The following STARD13 variants were observed in gnomAD, a reference collection of about 807,000 sequenced individuals.
STARD13 encodes StAR related lipid transfer domain containing 13.
STARD13 carries 62 observed loss-of-function variants against 106.4 expected under a neutral mutation model. The ratio of observed to expected loss-of-function variants is 0.58; its 90% confidence interval spans 0.48 to 0.72. The LOEUF (loss-of-function observed/expected upper bound fraction) is 0.72, where lower values mean the gene tolerates loss of function less well. Among genes scored for constraint, STARD13 ranks in the 30% least tolerant of loss-of-function variants. The pLI, the probability that STARD13 is intolerant of heterozygous loss-of-function variation, is 0.00. For synonymous variants in STARD13, 565 were observed against 553.0 expected (o/e 1.02, Z -0.31); for missense variants, 1,387 against 1,424.0 (o/e 0.97, Z 0.42).
chr13:33,661,383 A>T, the STARD13 span: 1 of 152,404 alleles, frequency 6.6e-6, no homozygotes, highest in African/African-American at 2.4e-5. Flanking sequence ...AGGGAAGAGG[A>T]AGTAAGAAGG....
At chr13:33,440,799 A>G in the STARD13 span, among the ~76,000 whole-genome samples, 9 of 119,920 alleles carry the variant, frequency 7.5e-5, no homozygotes, top group Admixed American at 3.8e-4. Context: ...TTTTTAAGAT[A>G]GAGTCTCACT....
chr13:33,394,005 A>AATAT, the STARD13 span, among the ~76,000 whole-genome samples: 1 of 152,202 alleles, frequency 6.6e-6, no homozygotes, highest in Non-Finnish European at 1.5e-5. Flanking sequence ...GACATATATA[A>AATAT]AGGCATAAGG....
At chr13:33,586,084 A>G in the STARD13 span, among the ~76,000 whole-genome samples, 2 of 152,222 alleles carry the variant, frequency 1.3e-5, no homozygotes, top group African/African-American at 4.8e-5. Context: ...TTTATGATAT[A>G]TATGTTTTAC....
chr13:33,602,127 T>G, the STARD13 span, among the ~76,000 whole-genome samples: 16,955 of 150,254 alleles, frequency 0.11, 1,391 homozygotes, highest in East Asian at 0.24. Context: ...GTTTTGCTCT[T>G]GTCGCCCAGG....
At chr13:33,543,045 C>A in the STARD13 span, among the ~76,000 whole-genome samples, 6 of 152,208 alleles carry the variant, frequency 3.9e-5, no homozygotes, top group African/African-American at 1.4e-4. Flanking sequence ...CAAAATGGAG[C>A]GGAAACTGTT....
the STARD13 span, among the ~76,000 whole-genome samples, chr13:33,494,438 T>C: frequency 7.9e-5 from 12 of 152,164 alleles, no homozygotes; most frequent in African/African-American, 2.4e-4. Context: ...CCATAAATAT[T>C]TGTTGATTCG....
At chr13:33,187,989 C>G (rs532035582) in intron 1 of STARD13, among the ~76,000 whole-genome samples, 1 of 152,056 alleles carries the variant, frequency 6.6e-6, no homozygotes, top group Admixed American at 6.6e-5. Flanking sequence ...CCAACCTAAA[C>G]GAAGCATCTT....
chr13:33,173,853 A>G (rs889872982), intron 1 of STARD13, among the ~76,000 whole-genome samples: 1 of 152,206 alleles, frequency 6.6e-6, no homozygotes, highest in Non-Finnish European at 1.5e-5. Flanking sequence ...GGAAACCTGG[A>G]AGACCCGTAT....
rs563936366 is a variant in STARD13, at chr13:33,261,521, T to A, written c.169+23949A>T. Reference sequence around the variant, plus strand: ...CATAAACCAAATTGGAGATCCCAGGTGGTCATTTTCATCTCACAGCTCATT... The same window carrying A: ...CATAAACCAAATTGGAGATCCCAGGAGGTCATTTTCATCTCACAGCTCATT... On this transcript the variant is annotated intron_variant, in intron 1 of 13. Coordinates refer to ENST00000336934, the MANE Select transcript of STARD13 (RefSeq NM_178006.4). 1.2e-4 allele frequency among the ~76,000 whole-genome samples: 18 copies of A among 152,284 alleles called. 1 individual carries two copies. In the South Asian group the frequency reaches 3.5e-3, roughly 30 times the overall value.
chr13:33,670,180 C>T, the STARD13 span, among the ~76,000 whole-genome samples: 21 of 152,276 alleles, frequency 1.4e-4, no homozygotes, highest in East Asian at 2.7e-3. Context: ...CTGTGACTTG[C>T]ACAGGGCTTG....
At position 33,104,198 on chromosome 13, in the gene STARD13, G is replaced by C. The variant is rs1005222391; in HGVS notation, c.*1395C>G. On this transcript the variant is annotated 3_prime_UTR_variant, in exon 14 of 14. Transcript: ENST00000336934. ...CTCCCTGAAATCAAACACACAATAA[G>C]TTATCTTTCTCTCTATAGCTGTTGA... 4 of 152,106 alleles carry C rather than the reference G, an allele frequency of 2.6e-5. No individual in the cohort carries two copies. The highest frequency in any genetic ancestry group is 9.7e-5 in the African/African-American group (4 of 41,404). The allele number at this position is 152,106 out of a possible 1,614,324, so 9.4% of individuals were successfully genotyped here. A position where few individuals can be genotyped will look rare whatever the true frequency, so the allele number is the denominator to read the frequency against.
intron 1 of STARD13, among the ~76,000 whole-genome samples, chr13:33,232,756 G>A (rs905461492): frequency 6.6e-6 from 1 of 152,138 alleles, no homozygotes; most frequent in African/African-American, 2.4e-5. Flanking sequence ...GCCTTCCTCA[G>A]GAAATCAACC....
the STARD13 span, among the ~76,000 whole-genome samples, chr13:33,432,987 G>A: frequency 6.6e-6 from 1 of 152,078 alleles, no homozygotes; most frequent in Non-Finnish European, 1.5e-5. Context: ...ACCTCAGACA[G>A]ATAAAATCAT....
chr13:33,408,051 C>T, the STARD13 span, among the ~76,000 whole-genome samples: 2,317 of 152,270 alleles, frequency 0.015, 64 homozygotes, highest in African/African-American at 0.053. Context: ...GTGGTACACC[C>T]TCAGAGCAGG....
At chr13:33,487,804 T>C in the STARD13 span, among the ~76,000 whole-genome samples, 1 of 152,202 alleles carries the variant, frequency 6.6e-6, no homozygotes, top group Admixed American at 6.5e-5. Flanking sequence ...TCACCAAGCT[T>C]ATACTTATGC....
chr13:33,498,829 G>A, the STARD13 span, among the ~76,000 whole-genome samples: 1 of 152,298 alleles, frequency 6.6e-6, no homozygotes, highest in Non-Finnish European at 1.5e-5. Flanking sequence ...ACTGAGAGAG[G>A]AATCTTGAAA....
chr13:33,452,194 T>A, the STARD13 span, among the ~76,000 whole-genome samples: 1 of 152,032 alleles, frequency 6.6e-6, no homozygotes, highest in African/African-American at 2.4e-5. Flanking sequence ...CGAGGTCTGC[T>A]GGAGAAGGAG....
At chr13:33,326,082 C>A (rs1594266042) in intron 1 of STARD13, among the ~76,000 whole-genome samples, 2 of 151,886 alleles carry the variant, frequency 1.3e-5, no homozygotes, top group East Asian at 3.9e-4. Context: ...ATCCCCATCT[C>A]CCTCTCTCTC....
At chr13:33,342,550 A>G (rs1299254166) in intron 1 of STARD13, among the ~76,000 whole-genome samples, 7 of 150,968 alleles carry the variant, frequency 4.6e-5, no homozygotes, top group African/African-American at 1.7e-4. Flanking sequence ...TTTTTTTAAG[A>G]CATGGGGTCT....
Sources: allele counts gnomAD v4.1 joint callset (sites outside exome capture counted in the v4.1 genomes callset), GRCh38; gene constraint gnomAD v4.1.1; transcripts MANE v1.5; gene names NCBI Gene and HGNC (gene_info 2026-07-23, HGNC 2026-07-21).